Variants in KAT2B observed in about 807,000 individuals in gnomAD.
The protein encoded by KAT2B is lysine acetyltransferase 2B, also known as histone acetyltransferase KAT2B.
In KAT2B, 36 loss-of-function variants were observed where a neutral mutation model predicts 105.9. The observed-to-expected ratio is 0.34, with a 90% CI of 0.26 to 0.45. KAT2B has a LOEUF of 0.45. Ranked by LOEUF, KAT2B falls within the 20% of genes least tolerant of loss-of-function variation. The pLI is 1.00. For missense variants in KAT2B, 820 were observed against 1,021.6 expected, an observed-to-expected ratio of 0.80 and a Z score of 2.69; for synonymous variants, 397 against 377.9, an observed-to-expected ratio of 1.05 and a Z score of -0.59.
chr3:20,084,148 A>G (rs570687537), intron 2 of KAT2B, among the ~76,000 whole-genome samples: 21 of 152,278 alleles, frequency 1.4e-4, no homozygotes, highest in Non-Finnish European at 2.9e-4. Flanking sequence ...ACAACTACGT[A>G]TTTATATAGT....
intron 1 of KAT2B, among the ~76,000 whole-genome samples, chr3:20,067,753 C>A (rs1410097031): frequency 6.6e-6 from 1 of 151,956 alleles, no homozygotes; most frequent in African/African-American, 2.4e-5. Flanking sequence ...TGGCTCACTG[C>A]AACCTCTGCC....
At chr3:20,124,500 C>G (rs1699364228) in intron 9 of KAT2B, among the ~76,000 whole-genome samples, 1 of 152,092 alleles carries the variant, frequency 6.6e-6, no homozygotes, top group South Asian at 2.1e-4. Flanking sequence ...ATAACTCATT[C>G]ATCAACAAGG....
Position 20,144,788 on chromosome 3 carries a change from TTC to T in KAT2B, c.2005-1526_2005-1525del, listed in dbSNP as rs1354656975. Among the ~76,000 whole-genome samples the T allele has an allele frequency of 5.3e-5, 8 of 151,394 alleles. No individual in the cohort carries two copies. In the Middle Eastern group the frequency reaches 0.01, roughly 194 times the overall value. On this transcript the variant is annotated intron_variant, in intron 13 of 17. Transcript: ENST00000263754. The stretch of plus-strand genomic sequence containing the variant: ...AAGTATAAAATCCTCTGATTTTCAT[TTC>T]TTTCTTTTTCTTTTTTTTTTTTTAA...
intron 3 of KAT2B, 71 bp downstream of exon 3, chr3:20,095,479 G>C (rs112256849): frequency 1.8e-6 from 2 of 1,098,218 alleles, no homozygotes; most frequent in Non-Finnish European, 2.6e-6. Context: ...ATGCCAGGTC[G>C]TGGCTGTGAA....
At chr3:20,135,148 T>G (rs913419899) in intron 11 of KAT2B, among the ~76,000 whole-genome samples, 3 of 152,228 alleles carry the variant, frequency 2.0e-5, no homozygotes, top group Non-Finnish European at 2.9e-5. Context: ...TTATCCAAGT[T>G]TTATTCAAAC....
intron 11 of KAT2B, among the ~76,000 whole-genome samples, chr3:20,127,873 G>T (rs778932303): frequency 1.3e-5 from 2 of 152,200 alleles, no homozygotes; most frequent in African/African-American, 2.4e-5. Flanking sequence ...GTTCACAATG[G>T]GGTTTGCACT....
Position 20,065,421 on chromosome 3 carries a change from T to G in KAT2B, c.304-6912T>G, listed in dbSNP as rs557642110. 1.6e-4 allele frequency among the ~76,000 whole-genome samples: 25 copies of G among 152,272 alleles called. No individual in the cohort carries two copies. In the South Asian group the frequency reaches 5.2e-3, roughly 32 times the overall value. On this transcript the variant is annotated intron_variant, in intron 1 of 17. Coordinates refer to ENST00000263754, the MANE Select transcript of KAT2B (RefSeq NM_003884.5). ...TAAGGAGAGACATGGGAAAGGTGTTTTGAAAGGAGACCTCTTATCTCGAAG... is the reference window on the plus strand; with the variant it reads ...TAAGGAGAGACATGGGAAAGGTGTTGTGAAAGGAGACCTCTTATCTCGAAG...
chr3:20,088,813 G>A (rs138210893), intron 2 of KAT2B, among the ~76,000 whole-genome samples: 18 of 152,210 alleles, frequency 1.2e-4, no homozygotes, highest in African/African-American at 4.3e-4. Flanking sequence ...AAAAATCTTT[G>A]CGAAGACCAA....
chr3:20,080,417 A>G (rs1237413711), intron 2 of KAT2B, among the ~76,000 whole-genome samples: 3 of 152,190 alleles, frequency 2.0e-5, no homozygotes, highest in Admixed American at 2.0e-4. Context: ...TTGACTGCAG[A>G]ACTCTGTAGA....
At chr3:20,102,691 T>C (rs549422082) in intron 5 of KAT2B, among the ~76,000 whole-genome samples, 2 of 152,232 alleles carry the variant, frequency 1.3e-5, no homozygotes, top group Non-Finnish European at 2.9e-5. Flanking sequence ...ATACAAAATA[T>C]AAGGACCTAC....
At chr3:20,081,128 C>T (rs940401196) in intron 2 of KAT2B, among the ~76,000 whole-genome samples, 6 of 152,196 alleles carry the variant, frequency 3.9e-5, no homozygotes, top group African/African-American at 1.4e-4. Context: ...CCTCTTCTAG[C>T]CTCGATGCCA....
At chr3:20,069,977 A>G (rs550629935) in intron 1 of KAT2B, among the ~76,000 whole-genome samples, 2 of 152,188 alleles carry the variant, frequency 1.3e-5, no homozygotes, top group Non-Finnish European at 2.9e-5. Context: ...CAACCTCTGA[A>G]GAGGTGGATG....
chr3:20,048,845 T>A (rs1697861728), intron 1 of KAT2B, among the ~76,000 whole-genome samples: 1 of 152,172 alleles, frequency 6.6e-6, no homozygotes, highest in Non-Finnish European at 1.5e-5. Context: ...CTTCTTTCCC[T>A]CTATGCTGGG....
chr3:20,067,029 A>G (rs901983815), intron 1 of KAT2B, among the ~76,000 whole-genome samples: 2 of 152,176 alleles, frequency 1.3e-5, no homozygotes, highest in African/African-American at 4.8e-5. Flanking sequence ...CGGGGCTGAC[A>G]AAACTTTTAT....
At chr3:20,093,565 G>T (rs1698760224) in intron 2 of KAT2B, among the ~76,000 whole-genome samples, 1 of 152,128 alleles carries the variant, frequency 6.6e-6, no homozygotes, top group African/African-American at 2.4e-5. Flanking sequence ...TGAGCATTGT[G>T]GTTCAATGGT....
intron 3 of KAT2B, among the ~76,000 whole-genome samples, chr3:20,097,140 A>G (rs1345735913): frequency 6.6e-6 from 1 of 152,122 alleles, no homozygotes; most frequent in Non-Finnish European, 1.5e-5. Context: ...CTTCTTTGGA[A>G]AAAGATCTTA....
chr3:20,078,995 T>A (rs1698470680), intron 2 of KAT2B, among the ~76,000 whole-genome samples: 1 of 151,028 alleles, frequency 6.6e-6, no homozygotes, highest in Non-Finnish European at 1.5e-5. Flanking sequence ...GCAATTCTCC[T>A]GCCTCAGCTT....
intron 7 of KAT2B, among the ~76,000 whole-genome samples, chr3:20,118,328 TTGTGTGTGTG>T (rs10558647): frequency 2.9e-5 from 4 of 139,192 alleles, no homozygotes; most frequent in African/African-American, 7.9e-5. Flanking sequence ...TCTCCTAAAT[TTGTGTGTGTG>T]TGTGTGTGTG....
chr3:20,126,013 A>G lies in KAT2B; in HGVS notation c.1522A>G (p.Asn508Asp), dbSNP rs950116860. The part of the protein sequence containing the change: ...VVGNSLNQKP[N>D]KKILMWLVGL... ...TGGCAATTCCCTCAACCAGAAACCAAACAAGAAGATCCTGATGTGGCTGGT... is the reference window on the plus strand; with the variant it reads ...TGGCAATTCCCTCAACCAGAAACCAGACAAGAAGATCCTGATGTGGCTGGT... The change falls in exon 10 of 18, where the codon AAC becomes GAC. Residue 508 changes from asparagine to aspartate, a missense_variant. Coordinates refer to ENST00000263754, the MANE Select transcript of KAT2B (RefSeq NM_003884.5). The G allele has an allele frequency of 3.1e-6, 5 of 1,613,968 alleles. No individual in the cohort carries two copies. The Admixed American group carries it at 6.7e-5, about 22-fold the overall frequency.
Sources: allele counts gnomAD v4.1 joint callset (sites outside exome capture counted in the v4.1 genomes callset), GRCh38; gene constraint gnomAD v4.1.1; transcripts MANE v1.5; gene names NCBI Gene and HGNC (gene_info 2026-07-23, HGNC 2026-07-21).